PKHD1: variants seen among roughly 807,000 people sequenced by gnomAD.
The protein encoded by PKHD1 is fibrocystin.
A neutral mutation model predicts 412.0 loss-of-function variants in PKHD1; 291 were observed. That is an observed-to-expected ratio of 0.71 (90% CI 0.64 to 0.78). The LOEUF is 0.78. Ranked by LOEUF, PKHD1 falls within the 30% of genes least tolerant of loss-of-function variation. The pLI is 0.00. For missense variants in PKHD1, 4,825 were observed against 4,950.7 expected, an observed-to-expected ratio of 0.97 and a Z score of 0.76; for synonymous variants, 1,777 against 1,821.5, an observed-to-expected ratio of 0.98 and a Z score of 0.62.
chr6:52,073,645 C>G, intron 6 of PKHD1, 104 bp from the exon 7 acceptor site: 1 of 741,972 alleles, frequency 1.3e-6, no homozygotes, highest in Non-Finnish European at 2.4e-6. Flanking sequence ...TATGGCAAAG[C>G]AGGTCATGGC....
intron 41 of PKHD1, 47 bp downstream of exon 41, chr6:51,906,166 CTG>C (rs1782049926): frequency 1.3e-6 from 2 of 1,541,264 alleles, no homozygotes; most frequent in African/African-American, 1.4e-5. Flanking sequence ...TTGTGAAAAA[CTG>C]TGTCCTACAC....
chr6:51,912,309 A>G, intron 38 of PKHD1, 57 bp downstream of exon 38: 1 of 1,086,566 alleles, frequency 9.2e-7, no homozygotes, highest in Non-Finnish European at 1.4e-6. Flanking sequence ...CCAGACCCCA[A>G]TACAGTTAAG....
intron 60 of PKHD1, among the ~76,000 whole-genome samples, chr6:51,726,685 C>T (rs1477911085): frequency 6.6e-6 from 1 of 152,140 alleles, no homozygotes; most frequent in Non-Finnish European, 1.5e-5. Context: ...TTCCACAGTA[C>T]CTCTAAAATG....
At chr6:51,632,108 T>C (rs1581752590) in intron 65 of PKHD1, among the ~76,000 whole-genome samples, 1 of 151,904 alleles carries the variant, frequency 6.6e-6, no homozygotes, top group Non-Finnish European at 1.5e-5. Flanking sequence ...CATGCCCAGA[T>C]AATTTTTGTA....
At position 51,996,912 on chromosome 6, in the gene PKHD1, C is replaced by T. The variant is rs144842354; in HGVS notation, c.5751+13397G>A. Among the ~76,000 whole-genome samples, 752 of 152,304 alleles carry T rather than the reference C, an allele frequency of 4.9e-3. 7 individuals are homozygous for T. The highest frequency in any genetic ancestry group is 0.017 in the African/African-American group (696 of 41,560). On this transcript the variant is annotated intron_variant, in intron 35 of 66. Transcript: ENST00000371117. ...ACTTACCTTCCAGGCATCACTGCTACCATATTTTTACCCAGGTATTTGGGA... is the reference window on the plus strand; with the variant it reads ...ACTTACCTTCCAGGCATCACTGCTATCATATTTTTACCCAGGTATTTGGGA...
intron 63 of PKHD1, among the ~76,000 whole-genome samples, chr6:51,646,061 C>A (rs1198211654): frequency 6.6e-6 from 1 of 152,184 alleles, no homozygotes; most frequent in African/African-American, 2.4e-5. Flanking sequence ...TTAACAGATT[C>A]ACTTTTTCAG....
intron 37 of PKHD1, among the ~76,000 whole-genome samples, chr6:51,927,527 C>T (rs1206956938): frequency 6.6e-6 from 1 of 152,148 alleles, no homozygotes; most frequent in African/African-American, 2.4e-5. Flanking sequence ...CCTGGGTGAG[C>T]TAACCCTGGC....
Position 51,627,014 on chromosome 6 carries a change from T to C in PKHD1, c.11768A>G (p.Asp3923Gly), listed in dbSNP as rs1561981487. ...AAGCTTACCTTCTCCCACCACAGTG[T>C]CTTCTTTTTTGGGCCCTTGTGATTC... ...RRESQGPKKEDTVVGEDMRMK... is the reference protein window; with the variant it reads ...RRESQGPKKEGTVVGEDMRMK... The change falls in exon 66 of 67, where the codon GAC becomes GGC. Residue 3923 changes from aspartate (D) to glycine (G), a missense_variant. By Grantham distance (94) the Asp-to-Gly change is moderately conservative (BLOSUM62 -1). Transcript: ENST00000371117. 1.2e-6 allele frequency: 2 copies of C among 1,613,316 alleles called. No individual in the cohort carries two copies. Among genetic ancestry groups the C allele is most frequent in the Middle Eastern group, 1.7e-4 (1 of 6,054 alleles).
chr6:52,075,865 G>C (rs1041862618), intron 6 of PKHD1, among the ~76,000 whole-genome samples: 2 of 152,070 alleles, frequency 1.3e-5, no homozygotes, highest in Non-Finnish European at 2.9e-5. Context: ...AATAAAAATA[G>C]CTCTTCTATT....
At chr6:52,003,923 G>A (rs1161343516) in intron 35 of PKHD1, among the ~76,000 whole-genome samples, 1 of 152,114 alleles carries the variant, frequency 6.6e-6, no homozygotes, top group Non-Finnish European at 1.5e-5. Flanking sequence ...TGACTTAAAT[G>A]TTAATTTGGA....
intron 45 of PKHD1, 141 bp from the exon 46 acceptor site, chr6:51,883,368 T>C: frequency 2.7e-6 from 2 of 747,496 alleles, no homozygotes; most frequent in South Asian, 1.6e-5. Flanking sequence ...AATGTCAGTA[T>C]AGGCATCCTC....
intron 43 of PKHD1, among the ~76,000 whole-genome samples, chr6:51,890,147 T>C (rs2127567796): frequency 1.3e-5 from 2 of 152,292 alleles, no homozygotes; most frequent in South Asian, 4.2e-4. Context: ...TTTTGTATTA[T>C]TATTACAGTT....
intron 66 of PKHD1, 116 bp from the exon 67 acceptor site, chr6:51,619,636 C>A: frequency 1.2e-6 from 1 of 820,654 alleles, no homozygotes; most frequent in Non-Finnish European, 2.0e-6. Flanking sequence ...TGAATTACAT[C>A]AGCTCTTTGA....
At chr6:51,939,796 C>G (rs1347944210) in intron 36 of PKHD1, among the ~76,000 whole-genome samples, 2 of 151,362 alleles carry the variant, frequency 1.3e-5, no homozygotes, top group Non-Finnish European at 3.0e-5. Flanking sequence ...TCTACAGACC[C>G]ATCTGACTTC....
chr6:52,062,393 T>C (rs770035598), intron 14 of PKHD1, 126 bp downstream of exon 14: 33 of 985,958 alleles, frequency 3.3e-5, no homozygotes, highest in Middle Eastern at 2.9e-4. Context: ...TCAAACTCTG[T>C]TGTTGTTGAA....
chr6:52,085,038 CA>C (rs200738257), intron 1 of PKHD1, 21 bp from the exon 2 acceptor site: 391 of 786,198 alleles, frequency 5.0e-4, no homozygotes, highest in East Asian at 6.1e-4. Flanking sequence ...ACAAAAAAAG[CA>C]AAAAAAAATT....
At chr6:51,996,637 T>C (rs1014172069) in intron 35 of PKHD1, among the ~76,000 whole-genome samples, 1 of 152,270 alleles carries the variant, frequency 6.6e-6, no homozygotes, top group African/African-American at 2.4e-5. Flanking sequence ...ACATTCCTAC[T>C]GAATTCTAAG....
chr6:51,791,194 T>C (rs1562317687), intron 53 of PKHD1, 42 bp downstream of exon 53: 2 of 1,602,192 alleles, frequency 1.2e-6, no homozygotes, highest in Admixed American at 1.7e-5. Flanking sequence ...TCTCACAGAA[T>C]ATAATTCTCA....
intron 43 of PKHD1, among the ~76,000 whole-genome samples, chr6:51,901,679 A>C (rs936937218): frequency 4.0e-5 from 5 of 123,864 alleles, no homozygotes; most frequent in Non-Finnish European, 8.0e-5. Flanking sequence ...ATAATAAAAG[A>C]AAAAAAAACT....
Sources: gnomAD v4.1 joint callset for allele counts (sites outside exome capture counted in the v4.1 genomes callset) on GRCh38, gnomAD v4.1.1 for gene constraint, MANE v1.5 for transcripts, NCBI Gene and HGNC (gene_info 2026-07-23, HGNC 2026-07-21) for gene names.